The following MDGA2 variants were observed in gnomAD, a reference collection of about 807,000 sequenced individuals.
The protein encoded by MDGA2 is MAM domain containing glycosylphosphatidylinositol anchor 2.
In MDGA2, 40 loss-of-function variants were observed where a neutral mutation model predicts 117.8. That is an observed-to-expected ratio of 0.34 (90% CI 0.26 to 0.44). The LOEUF is 0.44. MDGA2 is among the 20% of genes least tolerant of loss of function. The pLI, the probability that MDGA2 is intolerant of heterozygous loss-of-function variation, is 1.00. For synonymous variants in MDGA2, 452 were observed against 439.0 expected (o/e 1.03, Z -0.37); for missense variants, 1,123 against 1,250.6 (o/e 0.90, Z 1.54).
rs928234625 is a variant in MDGA2 at position 47,105,867 on chromosome 14, T to C, written c.926-8744A>G. ...CTCCCCAGGCTGCTCCTCGCCAGGCTGAGCTAGGTCCCAATTCTTTCTCAG... is the reference window on the plus strand; with the variant it reads ...CTCCCCAGGCTGCTCCTCGCCAGGCCGAGCTAGGTCCCAATTCTTTCTCAG... On this transcript the variant is annotated intron_variant, in intron 5 of 16. Transcript: ENST00000399232. Among the ~76,000 whole-genome samples, 28 of 152,092 alleles carry C rather than the reference T, an allele frequency of 1.8e-4. No homozygotes were observed. The East Asian group carries it at 3.1e-3, about 17-fold the overall frequency.
intron 1 of MDGA2, among the ~76,000 whole-genome samples, chr14:47,496,247 T>G (rs181550469): frequency 6.6e-6 from 1 of 152,070 alleles, no homozygotes; most frequent in African/African-American, 2.4e-5. Flanking sequence ...CTTACAAAAT[T>G]TTATTTATTT....
chr14:47,234,774 T>A (rs1886804698), intron 2 of MDGA2, among the ~76,000 whole-genome samples: 1 of 152,118 alleles, frequency 6.6e-6, no homozygotes, highest in South Asian at 2.1e-4. Flanking sequence ...CACATAAGAC[T>A]TCCAACAAAT....
chr14:47,248,710 T>A (rs1346082665), intron 2 of MDGA2, among the ~76,000 whole-genome samples: 1 of 152,138 alleles, frequency 6.6e-6, no homozygotes, highest in Admixed American at 6.5e-5. Flanking sequence ...GTAAATCTTA[T>A]TAGTGGCTAG....
At chr14:47,576,048 C>A (rs919696950) in intron 1 of MDGA2, among the ~76,000 whole-genome samples, 1 of 152,108 alleles carries the variant, frequency 6.6e-6, no homozygotes, top group Non-Finnish European at 1.5e-5. Flanking sequence ...TTAACCCCAA[C>A]TCCAGTTTCC....
At chr14:47,521,892 G>C (rs1368481648) in intron 1 of MDGA2, among the ~76,000 whole-genome samples, 1 of 151,970 alleles carries the variant, frequency 6.6e-6, no homozygotes, top group Non-Finnish European at 1.5e-5. Flanking sequence ...GGCTGGTTTC[G>C]AACTCCTGAC....
chr14:47,060,228 C>T (rs1889834506), intron 7 of MDGA2, among the ~76,000 whole-genome samples: 1 of 151,938 alleles, frequency 6.6e-6, no homozygotes, highest in Non-Finnish European at 1.5e-5. Context: ...CTTCTAGGAA[C>T]AAAGCACAAT....
chr14:46,982,574 T>C (rs1886714593), intron 8 of MDGA2, among the ~76,000 whole-genome samples: 2 of 151,384 alleles, frequency 1.3e-5, no homozygotes, highest in African/African-American at 4.9e-5. Flanking sequence ...CTGGGTGTGG[T>C]GGCACATGCT....
chr14:47,227,112 A>T (rs1014681263), intron 2 of MDGA2, among the ~76,000 whole-genome samples: 4 of 152,090 alleles, frequency 2.6e-5, no homozygotes, highest in African/African-American at 9.7e-5. Flanking sequence ...TATATGTTGT[A>T]GGAGATAATA....
intron 1 of MDGA2, among the ~76,000 whole-genome samples, chr14:47,396,809 G>A (rs1356234070): frequency 6.6e-6 from 1 of 152,136 alleles, no homozygotes; most frequent in Non-Finnish European, 1.5e-5. Context: ...CGGTTAGAAT[G>A]GCGATCCTTA....
intron 2 of MDGA2, among the ~76,000 whole-genome samples, chr14:47,286,837 G>GTATATATATA (rs1340766807): frequency 1.0e-5 from 1 of 97,960 alleles, no homozygotes; most frequent in African/African-American, 4.1e-5. Flanking sequence ...ATATATATAT[G>GTATATATATA]TATATATATA....
At chr14:47,528,622 A>C (rs1038500050) in intron 1 of MDGA2, among the ~76,000 whole-genome samples, 1 of 152,204 alleles carries the variant, frequency 6.6e-6, no homozygotes, top group Non-Finnish European at 1.5e-5. Context: ...CATTAAGTAA[A>C]ACAAATGTTT....
chr14:47,099,361 T>C (rs976307663), intron 5 of MDGA2, among the ~76,000 whole-genome samples: 5 of 151,956 alleles, frequency 3.3e-5, no homozygotes, highest in Non-Finnish European at 7.4e-5. Context: ...GTGTAAATCA[T>C]GTCGTTGAGT....
At chr14:47,561,163 G>GTTT (rs1309865250) in intron 1 of MDGA2, among the ~76,000 whole-genome samples, 2 of 83,874 alleles carry the variant, frequency 2.4e-5, no homozygotes, top group Non-Finnish European at 4.8e-5. Flanking sequence ...GTTTTGTTTT[G>GTTT]TTTTTTTGTT....
chr14:47,445,107 G>T (rs142957568), intron 1 of MDGA2, among the ~76,000 whole-genome samples: 2 of 152,210 alleles, frequency 1.3e-5, no homozygotes, highest in East Asian at 3.9e-4. Flanking sequence ...GCTAAACCTG[G>T]TGTATGGGTG....
intron 6 of MDGA2, among the ~76,000 whole-genome samples, chr14:47,090,331 A>G (rs929821466): frequency 1.3e-5 from 2 of 152,146 alleles, no homozygotes; most frequent in Non-Finnish European, 2.9e-5. Flanking sequence ...CTCTATTTCA[A>G]TATTGACATA....
intron 1 of MDGA2, among the ~76,000 whole-genome samples, chr14:47,590,235 C>A (rs1007098072): frequency 2.0e-5 from 3 of 151,672 alleles, no homozygotes; most frequent in African/African-American, 7.3e-5. Context: ...TAATGTTAAC[C>A]AGAAGTAGTA....
intron 1 of MDGA2, among the ~76,000 whole-genome samples, chr14:47,365,204 G>C (rs1263893750): frequency 6.6e-6 from 1 of 152,176 alleles, no homozygotes. Context: ...TTAAGATGGG[G>C]TTCGTTTTTC....
intron 7 of MDGA2, among the ~76,000 whole-genome samples, chr14:47,055,599 T>C (rs546959828): frequency 9.6e-4 from 146 of 152,300 alleles, no homozygotes; most frequent in African/African-American, 3.3e-3. Context: ...AACGGTTACA[T>C]GTGAGTTTAA....
intron 3 of MDGA2, among the ~76,000 whole-genome samples, chr14:47,148,720 T>C (rs1883044490): frequency 6.6e-6 from 1 of 152,204 alleles, no homozygotes; most frequent in Non-Finnish European, 1.5e-5. Flanking sequence ...GCTATGGTGT[T>C]TCGGGGTTCT....
Sources: allele counts gnomAD v4.1 joint callset (sites outside exome capture counted in the v4.1 genomes callset), GRCh38; gene constraint gnomAD v4.1.1; transcripts MANE v1.5; gene names NCBI Gene and HGNC (gene_info 2026-07-23, HGNC 2026-07-21).